Variants in KAZN observed in about 807,000 individuals in gnomAD.
KAZN encodes kazrin, periplakin interacting protein.
A neutral mutation model predicts 87.4 loss-of-function variants in KAZN; 40 were observed. The ratio of observed to expected loss-of-function variants is 0.46; its 90% CI spans 0.36 to 0.60. The LOEUF is 0.60. Ranked by LOEUF, KAZN falls within the 20% of genes least tolerant of loss-of-function variation. KAZN has a pLI of 0.00. For missense variants in KAZN, 898 were observed against 1,073.9 expected (o/e 0.84, Z 2.29); for synonymous variants, 466 against 458.3 (o/e 1.02, Z -0.22).
intron 2 of KAZN, among the ~76,000 whole-genome samples, chr1:14,474,710 C>G (rs181426011): frequency 9.0e-4 from 137 of 152,152 alleles, no homozygotes; most frequent in East Asian, 3.1e-3. Flanking sequence ...AAAATGGACT[C>G]TAGAATAGAA....
chr1:14,401,749 G>A (rs1031083253), intron 2 of KAZN, among the ~76,000 whole-genome samples: 1 of 151,936 alleles, frequency 6.6e-6, no homozygotes, highest in East Asian at 1.9e-4. Context: ...TTTATTATAG[G>A]AAAAATAATA....
intron 2 of KAZN, among the ~76,000 whole-genome samples, chr1:14,526,288 G>A (rs974078147): frequency 1.3e-5 from 2 of 152,250 alleles, no homozygotes; most frequent in African/African-American, 4.8e-5. Context: ...TTGCTCCAAG[G>A]GAACAAGGGT....
At chr1:14,920,835 CAGGGCAGAAAATGGGT>C (rs1658433010) in intron 1 of KAZN, among the ~76,000 whole-genome samples, 1 of 152,138 alleles carries the variant, frequency 6.6e-6, no homozygotes, top group Non-Finnish European at 1.5e-5. Flanking sequence ...CCAAGCCACT[CAGGGCAGAAAATGGGT>C]AGGTTAGTCC....
intron 1 of KAZN, among the ~76,000 whole-genome samples, chr1:14,817,767 T>A (rs1646614925): frequency 7.6e-6 from 1 of 130,764 alleles, no homozygotes; most frequent in Non-Finnish European, 1.6e-5. Flanking sequence ...GAGCTTTGCA[T>A]TTCTAAATAG....
intron 1 of KAZN, among the ~76,000 whole-genome samples, chr1:13,986,358 T>G (rs1370689441): frequency 2.6e-5 from 4 of 152,196 alleles, no homozygotes; most frequent in African/African-American, 9.7e-5. Context: ...TGTTATAATT[T>G]TCACATTCCT....
intron 1 of KAZN, among the ~76,000 whole-genome samples, chr1:14,772,655 A>G (rs1645051857): frequency 6.6e-6 from 1 of 152,170 alleles, no homozygotes. Context: ...CTTCTCACAG[A>G]GACACAGGTG....
At chr1:14,384,111 CTGTT>C (rs1395491497) in intron 2 of KAZN, among the ~76,000 whole-genome samples, 97 of 149,824 alleles carry the variant, frequency 6.5e-4, no homozygotes, top group African/African-American at 2.1e-3. Context: ...ATTTGGCTCT[CTGTT>C]TGTCTGTTAT....
chr1:15,069,388 G>A (rs1163219325), intron 8 of KAZN, among the ~76,000 whole-genome samples: 1 of 152,230 alleles, frequency 6.6e-6, no homozygotes, highest in Non-Finnish European at 1.5e-5. Flanking sequence ...AGAGAGGAAT[G>A]ACTTGGCCAG....
chr1:14,456,478 G>A (rs1667573794), intron 2 of KAZN, among the ~76,000 whole-genome samples: 1 of 152,054 alleles, frequency 6.6e-6, no homozygotes, highest in South Asian at 2.1e-4. Context: ...TACAAGATAT[G>A]TATTGTCTGG....
chr1:14,466,540 T>C (rs146817221), intron 2 of KAZN, among the ~76,000 whole-genome samples: 5,381 of 151,750 alleles, frequency 0.035, 317 homozygotes, highest in African/African-American at 0.12. Flanking sequence ...ATACCTAATA[T>C]GTGCTGGGCT....
intron 2 of KAZN, among the ~76,000 whole-genome samples, chr1:14,340,349 C>G (rs988183501): frequency 1.3e-5 from 2 of 152,192 alleles, no homozygotes; most frequent in Non-Finnish European, 2.9e-5. Context: ...TTACTGCTCT[C>G]CAGATCTCTG....
intron 1 of KAZN, among the ~76,000 whole-genome samples, chr1:14,779,117 T>A (rs1393057320): frequency 6.6e-6 from 1 of 152,134 alleles, no homozygotes; most frequent in Non-Finnish European, 1.5e-5. Context: ...TTCTCTGTGT[T>A]CCGCGAGACA....
intron 1 of KAZN, among the ~76,000 whole-genome samples, chr1:14,119,062 C>A (rs1042917576): frequency 1.2e-4 from 18 of 152,068 alleles, no homozygotes; most frequent in South Asian, 6.2e-4. Context: ...ACAAAAAAAA[C>A]CCTTTGCTAG....
intron 1 of KAZN, among the ~76,000 whole-genome samples, chr1:13,913,550 C>A (rs2100876345): frequency 6.6e-6 from 1 of 152,202 alleles, no homozygotes; most frequent in Admixed American, 6.5e-5. Context: ...TCCATTCTTC[C>A]CAAGGGCTCC....
intron 2 of KAZN, among the ~76,000 whole-genome samples, chr1:14,414,404 A>G (rs1664574178): frequency 6.6e-6 from 1 of 152,026 alleles, no homozygotes; most frequent in Non-Finnish European, 1.5e-5. Context: ...CCAAGAATCC[A>G]CTAACCAAAA....
In KAZN at chr1:14,184,745, G is replaced by T. The variant is rs905250440; in HGVS notation, c.249+4153G>T. ...TGGACACTCCCTGGCCTCAGATGGG[G>T]AAGTGCAGTGTGGACCAGAGGAAAC... On this transcript the variant is annotated intron_variant, in intron 2 of 16. Transcript: ENST00000636203. The surrounding 1 kb of genome is among the most constrained non-coding windows in gnomAD (Gnocchi z 4.2). Among the ~76,000 whole-genome samples, 1 of 152,206 alleles carries T rather than the reference G, an allele frequency of 6.6e-6. No homozygotes were observed. The highest frequency in any genetic ancestry group is 1.9e-4 in the East Asian group (1 of 5,186).
chr1:14,100,836 C>T (rs1360550905), intron 1 of KAZN, among the ~76,000 whole-genome samples: 1 of 152,084 alleles, frequency 6.6e-6, no homozygotes, highest in Non-Finnish European at 1.5e-5. Flanking sequence ...GTGGGAGGGA[C>T]CTGGTGGGAG....
chr1:14,446,925 G>C (rs1667014032), intron 2 of KAZN, among the ~76,000 whole-genome samples: 2 of 152,016 alleles, frequency 1.3e-5, no homozygotes, highest in South Asian at 4.2e-4. Context: ...AACTTTTATT[G>C]CATATACAGA....
intron 2 of KAZN, among the ~76,000 whole-genome samples, chr1:14,383,511 T>C (rs1661565777): frequency 6.6e-6 from 1 of 151,744 alleles, no homozygotes. Context: ...AAGGAAGGGA[T>C]CCAGTTTCAG....
Sources: gnomAD v4.1 joint callset for allele counts (sites outside exome capture counted in the v4.1 genomes callset) on GRCh38, gnomAD v4.1.1 for gene constraint, Gnocchi (gnomAD v3.1) non-coding constraint, MANE v1.5 for transcripts, NCBI Gene and HGNC (gene_info 2026-07-23, HGNC 2026-07-21) for gene names.